The following RABEPK variants were observed in gnomAD, a reference collection of about 807,000 sequenced individuals.
The protein encoded by RABEPK is Rab9 effector protein with kelch motifs.
In RABEPK, 27 loss-of-function variants were observed where a neutral mutation model predicts 34.1. That is an observed-to-expected ratio of 0.79 (90% confidence interval 0.58 to 1.09). The LOEUF (loss-of-function observed/expected upper bound fraction) is 1.09, where lower values mean the gene tolerates loss of function less well. RABEPK is among the 50% of genes least tolerant of loss of function. The probability of loss-of-function intolerance (pLI) is 0.00; values close to 1 mark genes in which losing one functional copy is unlikely to be tolerated. For synonymous variants in RABEPK, 172 were observed against 169.2 expected (o/e 1.02, Z -0.13); for missense variants, 449 against 462.6 (o/e 0.97, Z 0.27).
chr9:125,204,875 T>C (rs1830120949), intron 2 of RABEPK, among the ~76,000 whole-genome samples: 1 of 152,200 alleles, frequency 6.6e-6, no homozygotes, highest in Non-Finnish European at 1.5e-5. Flanking sequence ...CCACCCAGGC[T>C]GGAATGCGGT....
chr9:125,231,248 C>T (rs1385542792), intron 6 of RABEPK, among the ~76,000 whole-genome samples: 1 of 151,848 alleles, frequency 6.6e-6, no homozygotes, highest in Non-Finnish European at 1.5e-5. Flanking sequence ...GAGCTGAGAT[C>T]GCGCCACTGC....
At chr9:125,226,587 C>T (rs1831766764) in intron 5 of RABEPK, among the ~76,000 whole-genome samples, 2 of 151,702 alleles carry the variant, frequency 1.3e-5, no homozygotes, top group South Asian at 2.1e-4. Context: ...TAGATGGGGC[C>T]GGGCACGGTG....
chr9:125,215,105 T>C (rs1406919197), intron 4 of RABEPK, among the ~76,000 whole-genome samples: 1 of 151,930 alleles, frequency 6.6e-6, no homozygotes, highest in Non-Finnish European at 1.5e-5. Context: ...TTCTGTCTTT[T>C]TCCTGTCTTT....
chr9:125,228,183 C>T, intron 6 of RABEPK, 124 bp downstream of exon 6: 1 of 808,312 alleles, frequency 1.2e-6, no homozygotes, highest in Non-Finnish European at 1.7e-6. Context: ...GTAGCCTCAG[C>T]CTCCAGGACT....
intron 6 of RABEPK, among the ~76,000 whole-genome samples, chr9:125,231,445 A>G (rs959039968): frequency 1.3e-5 from 2 of 152,186 alleles, no homozygotes; most frequent in Admixed American, 6.6e-5. Context: ...TGCCACTTAC[A>G]AGCTATAGGG....
intron 6 of RABEPK, among the ~76,000 whole-genome samples, chr9:125,229,298 T>C (rs2131431791): frequency 6.6e-6 from 1 of 151,402 alleles, no homozygotes; most frequent in South Asian, 2.1e-4. Flanking sequence ...CCAGGCTTGG[T>C]GACAGGCACC....
At chr9:125,216,728 C>T (rs140609655) in intron 4 of RABEPK, among the ~76,000 whole-genome samples, 9 of 151,848 alleles carry the variant, frequency 5.9e-5, no homozygotes, top group Admixed American at 2.6e-4. Context: ...TTTGGGAGGA[C>T]GAGGAGGGCG....
intron 6 of RABEPK, among the ~76,000 whole-genome samples, chr9:125,229,292 G>T (rs937040216): frequency 4.6e-5 from 7 of 151,926 alleles, no homozygotes; most frequent in African/African-American, 1.4e-4. Flanking sequence ...AATCAGCCAG[G>T]CTTGGTGACA....
In RABEPK at chr9:125,207,740, G is replaced by A; in HGVS notation, c.211+19G>A. On this transcript the variant is annotated intron_variant, in intron 3 of 7. Transcript: ENST00000373538. ...GATCTGGGTAAGATCAGCAGCTGCA[G>A]AGTACATGCCCTATGGCCAGAGAAC... The A allele has an allele frequency of 6.2e-7, 1 of 1,613,816 alleles. No individual in the cohort carries two copies. The highest frequency in any genetic ancestry group is 1.1e-5 in the South Asian group (1 of 91,044).
chr9:125,202,314 A>C (rs1829961806), intron 1 of RABEPK, among the ~76,000 whole-genome samples: 1 of 150,600 alleles, frequency 6.6e-6, no homozygotes, highest in African/African-American at 2.4e-5. Flanking sequence ...TGAGGTCAGG[A>C]GTTAGTGACC....
In RABEPK at chr9:125,218,321, C is replaced by CAAAAAA. The variant is rs71374234; in HGVS notation, c.365-2196_365-2191dup. On this transcript the variant is annotated intron_variant, in intron 4 of 7. Coordinates refer to ENST00000373538, the MANE Select transcript of RABEPK (RefSeq NM_005833.4). The stretch of plus-strand genomic sequence containing the variant: ...TGGGAGCCACAGCGAGACTCCGTCT[C>CAAAAAA]AAAAAAAAAAAAAAAAAAAAAAAAA... Among the ~76,000 whole-genome samples, 39 of 41,162 alleles carry CAAAAAA rather than the reference C, an allele frequency of 9.5e-4. 4 individuals carry two copies. The highest frequency in any genetic ancestry group is 1.3e-3 in the African/African-American group (13 of 9,860). 27.0% of individuals were successfully genotyped at this position (41,162 alleles called of 152,430 possible).
In RABEPK at chr9:125,207,645, C is replaced by G. The variant is rs765233108; in HGVS notation, c.135C>G (p.Ala45=). ...CATATTTACCCCCAGTTGGTAATGC[C>G]AAGAGAGGGAAGGTCTTCATTGTTG... ...SCSYLPPVGN[A]KRGKVFIVGG... The change falls in exon 3 of 8, where the codon GCC becomes GCG. Residue 45 remains alanine, a synonymous_variant. Coordinates refer to ENST00000373538, the MANE Select transcript of RABEPK (RefSeq NM_005833.4). The G allele has an allele frequency of 6.2e-7, 1 of 1,614,130 alleles. No homozygotes were observed. Among genetic ancestry groups the G allele is most frequent in the South Asian group, 1.1e-5 (1 of 91,078 alleles).
In RABEPK at chr9:125,220,839, A is replaced by G. The variant is rs1216513551; in HGVS notation, c.526+139A>G. On this transcript the variant is annotated intron_variant, in intron 5 of 7. Coordinates refer to ENST00000373538, the MANE Select transcript of RABEPK (RefSeq NM_005833.4). ...ACTTCTTTGTTATATCTCTTAGCTG[A>G]TATCTTTTTCCCACAGCAAAATTGG... 3.4e-5 allele frequency: 39 copies of G among 1,144,508 alleles called. No individual in the cohort carries two copies. In the East Asian group the frequency reaches 1.0e-3, roughly 30 times the overall value. The allele number at this position is 1,144,508 out of a possible 1,614,324, so 70.9% of individuals were successfully genotyped here.
chr9:125,233,902 A>G lies in RABEPK; in HGVS notation c.1041A>G (p.Thr347=), dbSNP rs1832404661. ...GDSHEESQTA[T]LLCLVFGGMN... ...CACATGAGGAAAGCCAGACTGCTAC[A>G]CTGCTCTGTTTGGTGTTTGGTGGGA... Residue 347 remains threonine, a synonymous_variant, in exon 8 of 8, where the codon ACA becomes ACG. Coordinates refer to ENST00000373538, the MANE Select transcript of RABEPK (RefSeq NM_005833.4). 6.8e-6 allele frequency: 11 copies of G among 1,613,600 alleles called. No homozygotes were observed. Among genetic ancestry groups the G allele is most frequent in the Admixed American group, 1.7e-5 (1 of 60,004 alleles).
chr9:125,213,623 G>A, intron 4 of RABEPK, 101 bp downstream of exon 4: 1 of 1,027,106 alleles, frequency 9.7e-7, no homozygotes, highest in Non-Finnish European at 1.4e-6. Flanking sequence ...AGTACATTTG[G>A]ATTATACTAA....
chr9:125,202,830 CAAATAAATAAAT>C (rs199722623), intron 1 of RABEPK, among the ~76,000 whole-genome samples, 166 bp from the exon 2 acceptor site: 1 of 151,338 alleles, frequency 6.6e-6, no homozygotes, highest in South Asian at 2.1e-4. Flanking sequence ...AACTCCATCT[CAAATAAATAAAT>C]AAATAAATAA....
chr9:125,229,966 G>A (rs1027907221), intron 6 of RABEPK, among the ~76,000 whole-genome samples: 3 of 151,976 alleles, frequency 2.0e-5, no homozygotes, highest in African/African-American at 4.8e-5. Flanking sequence ...GTGGGTGACA[G>A]GTACTTTCTT....
In RABEPK at chr9:125,227,456, C is replaced by G. The variant is rs146281339; in HGVS notation, c.527-454C>G. ...CTTTTTTTTAAGACAGAGTCTTGCT[C>G]TGTCGCCCAGGCTGGAATGCAATGG... is the stretch of plus-strand genomic sequence containing the variant. On this transcript the variant is annotated intron_variant, in intron 5 of 7. Coordinates refer to ENST00000373538, the MANE Select transcript of RABEPK (RefSeq NM_005833.4). Among the ~76,000 whole-genome samples, 5 of 151,732 alleles carry G rather than the reference C, an allele frequency of 3.3e-5. No homozygotes were observed. The East Asian group carries it at 9.7e-4, about 30-fold the overall frequency.
rs768816459 is a variant in RABEPK at position 125,203,012 on chromosome 9, C to T, written c.-2C>T. On this transcript the variant is annotated 5_prime_UTR_variant, in exon 2 of 8. Transcript: ENST00000373538. ...GCCTTTCTTTCTTATGCATAGGACACCATGAAGCAACTGCCAGTCTTGGAA... is the reference window on the plus strand; with the variant it reads ...GCCTTTCTTTCTTATGCATAGGACATCATGAAGCAACTGCCAGTCTTGGAA... 1 of 1,613,530 alleles carries T rather than the reference C, an allele frequency of 6.2e-7. No homozygotes were observed. Among genetic ancestry groups the T allele is most frequent in the Non-Finnish European group, 8.5e-7 (1 of 1,179,638 alleles).
Sources: allele counts gnomAD v4.1 joint callset (sites outside exome capture counted in the v4.1 genomes callset), GRCh38; gene constraint gnomAD v4.1.1; transcripts MANE v1.5; gene names NCBI Gene and HGNC (gene_info 2026-07-23, HGNC 2026-07-21).